MAPKAPK5: variants seen among roughly 807,000 people sequenced by gnomAD.
The protein encoded by MAPKAPK5 is MAP kinase-activated protein kinase 5.
MAPKAPK5 carries 30 observed loss-of-function variants against 65.1 expected under a neutral mutation model. The observed-to-expected ratio is 0.46, with a 90% CI of 0.34 to 0.63. The LOEUF is 0.63. MAPKAPK5 is among the 20% of genes least tolerant of loss of function. MAPKAPK5 has a pLI of 0.01. For missense variants in MAPKAPK5, 433 were observed against 581.4 expected, an observed-to-expected ratio of 0.74 and a Z score of 2.63; for synonymous variants, 179 against 204.6, an observed-to-expected ratio of 0.87 and a Z score of 1.07.
chr12:111,853,621 G>A (rs1268871320), intron 1 of MAPKAPK5, among the ~76,000 whole-genome samples: 1 of 152,050 alleles, frequency 6.6e-6, no homozygotes, highest in African/African-American at 2.4e-5. Flanking sequence ...TGCAACCTCC[G>A]CCTCCCGGGT....
intron 1 of MAPKAPK5, among the ~76,000 whole-genome samples, chr12:111,864,416 G>C (rs2069538932): frequency 6.6e-6 from 1 of 152,108 alleles, no homozygotes; most frequent in Non-Finnish European, 1.5e-5. Context: ...TGGCCAGGAT[G>C]GTCTTGATAC....
intron 1 of MAPKAPK5, among the ~76,000 whole-genome samples, chr12:111,853,565 C>A (rs1593127115): frequency 6.6e-6 from 1 of 152,028 alleles, no homozygotes; most frequent in Admixed American, 6.6e-5. Flanking sequence ...GATGGAGTCT[C>A]TCTCTGTTGC....
intron 2 of MAPKAPK5, 87 bp downstream of exon 2, chr12:111,865,410 C>T: frequency 2.2e-6 from 2 of 900,692 alleles, no homozygotes; most frequent in Admixed American, 2.0e-5. Context: ...TTGAATTAGA[C>T]ACATCAGGTG....
intron 7 of MAPKAPK5, among the ~76,000 whole-genome samples, chr12:111,872,050 A>G (rs146612424): frequency 5.2e-4 from 79 of 152,106 alleles, no homozygotes; most frequent in African/African-American, 1.7e-3. Flanking sequence ...ATTTCATTAT[A>G]TACCTAAGCT....
At position 111,896,750 on chromosome 12, in the gene MAPKAPK5, G is replaced by A. The variant is rs1356435797; in HGVS notation, c.*3689G>A. The A allele has an allele frequency of 6.6e-6, 1 of 152,170 alleles. No homozygotes were observed. Among genetic ancestry groups the A allele is most frequent in the Non-Finnish European group, 1.5e-5 (1 of 68,036 alleles). The allele number at this position is 152,170 out of a possible 1,614,324, so 9.4% of individuals were successfully genotyped here. A position where few individuals can be genotyped will look rare whatever the true frequency, so the allele number is the denominator to read the frequency against. ...TTTAGACTTTACCACAGTTATAAAA[G>A]TCAGCTTGATGTAGTAAAAAAACTT... On this transcript the variant is annotated 3_prime_UTR_variant, in exon 14 of 14. Coordinates refer to ENST00000550735, the MANE Select transcript of MAPKAPK5 (RefSeq NM_003668.4).
intron 10 of MAPKAPK5, 111 bp from the exon 11 acceptor site, chr12:111,888,377 G>T: frequency 7.1e-7 from 1 of 1,407,288 alleles, no homozygotes; most frequent in Non-Finnish European, 9.7e-7. Flanking sequence ...TTCAGCATAA[G>T]AGTGAAATTA....
chr12:111,890,363 G>A (rs533139611), intron 13 of MAPKAPK5, among the ~76,000 whole-genome samples: 5 of 152,096 alleles, frequency 3.3e-5, no homozygotes, highest in Non-Finnish European at 1.5e-5. Context: ...GAGTTCAAGT[G>A]AATTGTGTAT....
intron 8 of MAPKAPK5, among the ~76,000 whole-genome samples, chr12:111,881,349 C>T (rs1003251798): frequency 6.6e-6 from 1 of 151,022 alleles, no homozygotes; most frequent in Non-Finnish European, 1.5e-5. Flanking sequence ...GCTGGGATTA[C>T]AGGCGTGAGC....
intron 11 of MAPKAPK5, 111 bp downstream of exon 11, chr12:111,888,729 A>C: frequency 6.6e-7 from 1 of 1,525,518 alleles, no homozygotes; most frequent in Non-Finnish European, 8.8e-7. Context: ...GCCTCTGAAG[A>C]GGGTGGAGAG....
intron 1 of MAPKAPK5, among the ~76,000 whole-genome samples, chr12:111,849,510 C>T (rs2069004870): frequency 6.6e-6 from 1 of 152,020 alleles, no homozygotes; most frequent in African/African-American, 2.4e-5. Flanking sequence ...GATCTGCCTG[C>T]CTCGGCCTCC....
chr12:111,858,570 G>T (rs762963883), intron 1 of MAPKAPK5, among the ~76,000 whole-genome samples: 44 of 126,922 alleles, frequency 3.5e-4, no homozygotes, highest in Non-Finnish European at 5.9e-4. Context: ...CCAAAACGGA[G>T]TCTTGCTCTG....
chr12:111,891,896 A>G (rs1406253914), intron 13 of MAPKAPK5, among the ~76,000 whole-genome samples: 2 of 152,182 alleles, frequency 1.3e-5, no homozygotes, highest in Non-Finnish European at 2.9e-5. Context: ...GAATTTTCAC[A>G]AAGTGAACAC....
intron 13 of MAPKAPK5, among the ~76,000 whole-genome samples, chr12:111,890,463 A>G (rs1429673337): frequency 2.0e-5 from 3 of 152,194 alleles, no homozygotes; most frequent in African/African-American, 4.8e-5. Context: ...TACCAGGACT[A>G]TTCACCAGGT....
At chr12:111,870,399 C>G in intron 6 of MAPKAPK5, 39 bp downstream of exon 6, 1 of 1,529,248 alleles carries the variant, frequency 6.5e-7, no homozygotes, top group Non-Finnish European at 9.0e-7. Flanking sequence ...TGCTGCAACT[C>G]TTAACATAGT....
Position 111,890,036 on chromosome 12 carries a change from A to G in MAPKAPK5, c.1217-4A>G, listed in dbSNP as rs768040013. On this transcript the variant is annotated splice_region_variant and splice_polypyrimidine_tract_variant and intron_variant, in intron 12 of 13. Coordinates refer to ENST00000550735, the MANE Select transcript of MAPKAPK5 (RefSeq NM_003668.4). Reference sequence around the variant, plus strand: ...TGCAAATTCCTCTTCATCCTTACCAATAGGAGAGAATGAAGATGAGAAACT... The same window carrying G: ...TGCAAATTCCTCTTCATCCTTACCAGTAGGAGAGAATGAAGATGAGAAACT... The G allele has an allele frequency of 3.5e-5, 55 of 1,570,632 alleles. No homozygotes were observed. Among genetic ancestry groups the G allele is most frequent in the Non-Finnish European group, 4.6e-5 (53 of 1,153,866 alleles).
rs1175537235 is a variant in MAPKAPK5, at chr12:111,890,062, G to T, written c.1239G>T (p.Leu413=). The T allele has an allele frequency of 6.3e-7, 1 of 1,595,162 alleles. No individual in the cohort carries two copies. The highest frequency in any genetic ancestry group is 1.1e-5 in the South Asian group (1 of 87,156). Residue 413 remains leucine, a synonymous_variant, in exon 13 of 14, where the codon CTG becomes CTT. Coordinates refer to ENST00000550735, the MANE Select transcript of MAPKAPK5 (RefSeq NM_003668.4). ...TAGGAGAGAATGAAGATGAGAAACTGAATGAAGTAATGCAGGAGGCTTGGA... is the reference window on the plus strand; with the variant it reads ...TAGGAGAGAATGAAGATGAGAAACTTAATGAAGTAATGCAGGAGGCTTGGA... ...PQAGENEDEK[L]NEVMQEAWKY... is the part of the protein sequence containing the mutation.
Position 111,901,831 on chromosome 12 carries a change from G to A in MAPKAPK5, c.*8770G>A, listed in dbSNP as rs1324439929. On this transcript the variant is annotated 3_prime_UTR_variant, in exon 14 of 14. Transcript: ENST00000550735. ...TGACTCAGATATACTGATGTAGAAG[G>A]AAGGATTCTTTCACTTTTATTATTT... 6 of 154,846 alleles carry A rather than the reference G, an allele frequency of 3.9e-5. No individual in the cohort carries two copies. Among genetic ancestry groups the A allele is most frequent in the Non-Finnish European group, 8.6e-5 (6 of 69,782 alleles). 9.6% of individuals were successfully genotyped at this position (154,846 alleles called of 1,614,324 possible).
At chr12:111,856,227 G>A (rs2069235416) in intron 1 of MAPKAPK5, among the ~76,000 whole-genome samples, 3 of 152,088 alleles carry the variant, frequency 2.0e-5, no homozygotes. Context: ...TAATTCCATG[G>A]TGGTTGGAGA....
At chr12:111,868,945 TAAAG>T (rs2069695106) in intron 5 of MAPKAPK5, 84 bp downstream of exon 5, 1 of 1,046,456 alleles carries the variant, frequency 9.6e-7, no homozygotes, top group Non-Finnish European at 1.4e-6. Flanking sequence ...AAAGAAAACT[TAAAG>T]AAAAGCTCTA....
Sources: gnomAD v4.1 joint callset for allele counts (sites outside exome capture counted in the v4.1 genomes callset) on GRCh38, gnomAD v4.1.1 for gene constraint, MANE v1.5 for transcripts, NCBI Gene and HGNC (gene_info 2026-07-23, HGNC 2026-07-21) for gene names.